Variants in GPC5 observed in about 807,000 individuals in gnomAD.
GPC5 encodes glypican 5, also known as glypican-5.
In GPC5, 47 loss-of-function variants were observed where a neutral mutation model predicts 53.9. That is an observed-to-expected ratio of 0.87 (90% CI 0.69 to 1.11). GPC5 has a LOEUF of 1.11. Ranked by LOEUF, GPC5 falls within the 50% of genes most tolerant of loss-of-function variation. The probability of loss-of-function intolerance (pLI) is 0.00; values close to 1 mark genes in which losing one functional copy is unlikely to be tolerated. For missense variants in GPC5, 748 were observed against 713.1 expected (o/e 1.05, Z -0.56); for synonymous variants, 286 against 263.3 (o/e 1.09, Z -0.84).
chr13:91,741,938 G>A (rs2036942990), intron 4 of GPC5, among the ~76,000 whole-genome samples: 1 of 152,102 alleles, frequency 6.6e-6, no homozygotes, highest in South Asian at 2.1e-4. Context: ...GCGTCTTTGA[G>A]GTGCCATCAT....
chr13:92,522,486 G>C (rs1483632230), intron 7 of GPC5, among the ~76,000 whole-genome samples: 1 of 152,136 alleles, frequency 6.6e-6, no homozygotes, highest in Admixed American at 6.6e-5. Flanking sequence ...GATGAAGCTG[G>C]AAACCATCAT....
chr13:92,422,514 A>C, intron 7 of GPC5, among the ~76,000 whole-genome samples: 4 of 150,792 alleles, frequency 2.7e-5, no homozygotes, highest in African/African-American at 9.8e-5. Context: ...ACACACACAC[A>C]CACACACACA....
At chr13:91,630,886 A>C (rs1488055220) in intron 2 of GPC5, among the ~76,000 whole-genome samples, 1 of 152,130 alleles carries the variant, frequency 6.6e-6, no homozygotes, top group Non-Finnish European at 1.5e-5. Context: ...CTTAACAATA[A>C]GAGATATATG....
intron 6 of GPC5, among the ~76,000 whole-genome samples, chr13:91,921,903 C>T (rs1216960378): frequency 1.3e-5 from 2 of 152,012 alleles, no homozygotes; most frequent in African/African-American, 4.8e-5. Flanking sequence ...CCTAGGAGTT[C>T]AAGGCTGCAG....
At chr13:91,464,529 A>T (rs1417117937) in intron 2 of GPC5, among the ~76,000 whole-genome samples, 1 of 152,198 alleles carries the variant, frequency 6.6e-6, no homozygotes, top group Non-Finnish European at 1.5e-5. Flanking sequence ...GTGGAATATG[A>T]CTCAGCAATA....
intron 2 of GPC5, among the ~76,000 whole-genome samples, chr13:91,582,067 GTGTAGACAAAATGTCTA>G (rs1194606629): frequency 1.3e-5 from 2 of 152,098 alleles, no homozygotes; most frequent in African/African-American, 2.4e-5. Flanking sequence ...GTTTGCCTTG[GTGTAGACAAAATGTCTA>G]CACCAAGTAG....
chr13:92,224,987 C>T (rs756063339), intron 7 of GPC5, among the ~76,000 whole-genome samples: 52 of 152,178 alleles, frequency 3.4e-4, no homozygotes, highest in Non-Finnish European at 6.3e-4. Flanking sequence ...TCTTGGGACC[C>T]ATGGCACAGC....
intron 6 of GPC5, among the ~76,000 whole-genome samples, chr13:92,070,709 T>G (rs992824357): frequency 6.6e-6 from 1 of 152,194 alleles, no homozygotes; most frequent in African/African-American, 2.4e-5. Flanking sequence ...CTCGGACCAC[T>G]TATCTTAAAA....
At chr13:92,721,193 TACA>T (rs1566384244) in intron 7 of GPC5, among the ~76,000 whole-genome samples, 4 of 151,988 alleles carry the variant, frequency 2.6e-5, no homozygotes, top group Non-Finnish European at 5.9e-5. Context: ...AAGCTAGTCT[TACA>T]GTATCTATAT....
chr13:91,765,511 T>C (rs924274314), intron 5 of GPC5, among the ~76,000 whole-genome samples: 2 of 152,212 alleles, frequency 1.3e-5, no homozygotes, highest in African/African-American at 4.8e-5. Context: ...TTGGAAGTGG[T>C]GCAGAGAAGA....
chr13:92,717,453 G>GAAAC lies in GPC5; in HGVS notation c.1562-148826_1562-148823dup, dbSNP rs1221038889. Among the ~76,000 whole-genome samples the GAAAC allele has an allele frequency of 3.9e-5, 6 of 152,160 alleles. No homozygotes were observed. The South Asian group carries it at 1.2e-3, about 32-fold the overall frequency. ...ATTTAATTATATTCAGATATTTAAA[G>GAAAC]AAACAATTTTATTCTGAGTTTATCA... On this transcript the variant is annotated intron_variant, in intron 7 of 7. Coordinates refer to ENST00000377067, the MANE Select transcript of GPC5 (RefSeq NM_004466.6).
intron 6 of GPC5, among the ~76,000 whole-genome samples, chr13:91,952,712 T>C (rs1468129603): frequency 2.6e-5 from 4 of 152,106 alleles, no homozygotes; most frequent in Non-Finnish European, 2.9e-5. Context: ...AGGAGAGGCC[T>C]ATTATTTCAG....
At chr13:91,512,511 C>G (rs1433181885) in intron 2 of GPC5, among the ~76,000 whole-genome samples, 6 of 152,212 alleles carry the variant, frequency 3.9e-5, no homozygotes, top group Non-Finnish European at 1.5e-5. Flanking sequence ...CTGCCCTGCT[C>G]CTGATTTGTA....
intron 7 of GPC5, among the ~76,000 whole-genome samples, chr13:92,579,106 C>T (rs1243658058): frequency 3.9e-5 from 6 of 152,090 alleles, no homozygotes; most frequent in African/African-American, 1.2e-4. Flanking sequence ...TTCAATCACC[C>T]ACTTATCAAA....
chr13:92,162,734 G>T (rs1045479671), intron 7 of GPC5, among the ~76,000 whole-genome samples: 3 of 152,158 alleles, frequency 2.0e-5, no homozygotes, highest in Non-Finnish European at 4.4e-5. Context: ...ACAGTGTCAA[G>T]AATGTATGTG....
chr13:92,859,206 A>C (rs762079493), intron 7 of GPC5, among the ~76,000 whole-genome samples: 1 of 152,176 alleles, frequency 6.6e-6, no homozygotes, highest in African/African-American at 2.4e-5. Flanking sequence ...CTATGATGGT[A>C]TCACTGCACT....
intron 4 of GPC5, among the ~76,000 whole-genome samples, chr13:91,753,732 A>G (rs765173328): frequency 5.4e-4 from 83 of 152,300 alleles, no homozygotes; most frequent in Non-Finnish European, 9.7e-4. Context: ...AGTCCCCTCT[A>G]GTGAAACTGC....
intron 5 of GPC5, among the ~76,000 whole-genome samples, chr13:91,760,509 G>T (rs2037387662): frequency 6.6e-6 from 1 of 152,114 alleles, no homozygotes; most frequent in Non-Finnish European, 1.5e-5. Context: ...TGTTTTATGG[G>T]AGGTTATAAT....
At chr13:92,563,000 A>G (rs1311304287) in intron 7 of GPC5, among the ~76,000 whole-genome samples, 1 of 152,070 alleles carries the variant, frequency 6.6e-6, no homozygotes, top group Non-Finnish European at 1.5e-5. Flanking sequence ...GTACTGTGTA[A>G]CAGCAAGAAG....
Sources: allele counts gnomAD v4.1 joint callset (sites outside exome capture counted in the v4.1 genomes callset), GRCh38; gene constraint gnomAD v4.1.1; transcripts MANE v1.5; gene names NCBI Gene and HGNC (gene_info 2026-07-23, HGNC 2026-07-21).